ZBTB9: variants seen among roughly 807,000 people sequenced by gnomAD.
ZBTB9 encodes the protein zinc finger and BTB domain-containing protein 9.
ZBTB9 carries 17 observed loss-of-function variants against 26.3 expected under a neutral mutation model. That is an observed-to-expected ratio of 0.65 (90% confidence interval 0.44 to 0.97). The LOEUF is 0.97. ZBTB9 is among the 50% of genes least tolerant of loss of function. The pLI is 0.00. For missense variants in ZBTB9, 510 were observed against 594.2 expected (o/e 0.86, Z 1.47); for synonymous variants, 226 against 234.3 (o/e 0.96, Z 0.32).
In ZBTB9 at chr6:33,456,342, C is replaced by A. The variant is rs768107524; in HGVS notation, c.1242C>A (p.Gly414=). 1 of 1,614,106 alleles carries A rather than the reference C, an allele frequency of 6.2e-7. No homozygotes were observed. Among genetic ancestry groups the A allele is most frequent in the Non-Finnish European group, 8.5e-7 (1 of 1,180,024 alleles). The change falls in exon 2 of 2, where the codon GGC becomes GGA. Residue 414 remains glycine, a synonymous_variant. Transcript: ENST00000395064. This position sits in a 1 kb window ranked among gnomAD's most constrained non-coding sequence, Gnocchi z 5.1. ...LTFSLRPFGC[G]ICNKRFKLKH... The stretch of plus-strand genomic sequence containing the variant: ...TCAGCCTTCGGCCTTTTGGCTGTGG[C>A]ATCTGCAACAAGCGCTTCAAGCTGA...
Position 33,455,406 on chromosome 6 carries a change from C to T in ZBTB9, c.306C>T (p.Leu102=). ...EADAFEGLLQ[L]IYSGRLRLPL... is the part of the protein sequence containing the mutation. Reference sequence around the variant, plus strand: ...ATGCCTTCGAGGGGCTGCTCCAGCTCATTTATTCAGGGCGTCTCCGCCTGC... The same window carrying T: ...ATGCCTTCGAGGGGCTGCTCCAGCTTATTTATTCAGGGCGTCTCCGCCTGC... The change falls in exon 2 of 2, where the codon CTC becomes CTT. Residue 102 remains leucine, a synonymous_variant. Coordinates refer to ENST00000395064, the MANE Select transcript of ZBTB9 (RefSeq NM_152735.4). The T allele has an allele frequency of 1.2e-6, 2 of 1,613,808 alleles. No homozygotes were observed. The highest frequency in any genetic ancestry group is 1.1e-5 in the South Asian group (1 of 91,060).
At position 33,456,678 on chromosome 6, in the gene ZBTB9, A is replaced by C. The variant is rs1761492795; in HGVS notation, c.*156A>C. On this transcript the variant is annotated 3_prime_UTR_variant, in exon 2 of 2. Coordinates refer to ENST00000395064, the MANE Select transcript of ZBTB9 (RefSeq NM_152735.4). The surrounding 1 kb of genome is among the most constrained non-coding windows in gnomAD (Gnocchi z 5.1). ...TCTTGTTCTTAGATATGGGCCTCTC[A>C]GCCTGGCAGATGTGGAAACTCAAAT... 6 of 1,317,918 alleles carry C rather than the reference A, an allele frequency of 4.6e-6. No individual in the cohort carries two copies. The highest frequency in any genetic ancestry group is 6.0e-6 in the Non-Finnish European group (6 of 1,000,890). The allele number at this position is 1,317,918 out of a possible 1,614,324, so 81.6% of individuals were successfully genotyped here.
In ZBTB9 at chr6:33,456,552, C is replaced by T. The variant is rs759357892; in HGVS notation, c.*30C>T. 5 of 1,555,178 alleles carry T rather than the reference C, an allele frequency of 3.2e-6. No individual in the cohort carries two copies. The highest frequency in any genetic ancestry group is 4.3e-6 in the Non-Finnish European group (5 of 1,152,596). On this transcript the variant is annotated 3_prime_UTR_variant, in exon 2 of 2. Transcript: ENST00000395064. This position sits in a 1 kb window ranked among gnomAD's most constrained non-coding sequence, Gnocchi z 5.1. Reference sequence around the variant, plus strand: ...TGAGGCTATACACTAGCTTCTAGAACAAGATAACCACTGCTGCTGATGGAT... The same window carrying T: ...TGAGGCTATACACTAGCTTCTAGAATAAGATAACCACTGCTGCTGATGGAT...
chr6:33,454,925 C>T (rs1162730888), intron 1 of ZBTB9, 105 bp from the exon 2 acceptor site: 7 of 1,019,438 alleles, frequency 6.9e-6, no homozygotes, highest in Non-Finnish European at 9.6e-6. Context: ...GAAACCGCCA[C>T]TGACTTAAAA....
rs1233656867 is a variant in ZBTB9, at chr6:33,455,866, A to G, written c.766A>G (p.Thr256Ala). The G allele has an allele frequency of 6.2e-7, 1 of 1,613,298 alleles. No individual in the cohort carries two copies. Among genetic ancestry groups the G allele is most frequent in the Non-Finnish European group, 8.5e-7 (1 of 1,179,656 alleles). ...RPHGPHPLPM[T>A]ATPRKLPEGE... Reference sequence around the variant, plus strand: ...TCATGGACCCCACCCACTGCCCATGACTGCTACTCCCCGAAAGCTTCCAGA... The same window carrying G: ...TCATGGACCCCACCCACTGCCCATGGCTGCTACTCCCCGAAAGCTTCCAGA... Residue 256 changes from threonine (T) to alanine (A), a missense_variant, in exon 2 of 2, where the codon ACT becomes GCT. Physicochemically the swap from Thr to Ala is moderately conservative, Grantham distance 58. This residue lies in a region of ZBTB9 where 439 missense variants were observed against 460.4 expected (regional missense o/e 0.95). Transcript: ENST00000395064.
In ZBTB9 at chr6:33,456,159, C is replaced by T. The variant is rs768284311; in HGVS notation, c.1059C>T (p.Ile353=). 4 of 1,609,188 alleles carry T rather than the reference C, an allele frequency of 2.5e-6. No individual in the cohort carries two copies. In the South Asian group the frequency reaches 4.4e-5, roughly 18 times the overall value. The change falls in exon 2 of 2, where the codon ATC becomes ATT. Residue 353 remains isoleucine (I), a synonymous_variant. Transcript: ENST00000395064. The surrounding 1 kb of genome is among the most constrained non-coding windows in gnomAD (Gnocchi z 5.1). ...WKPVDLHGNE[I]LSGGGGPGGA... ...CAGTGGATCTTCATGGGAATGAAAT[C>T]CTGTCAGGGGGTGGAGGACCTGGGG...
upstream of ZBTB9, chr6:33,453,930 G>A (rs997698771): frequency 6.6e-6 from 1 of 152,110 alleles, no homozygotes; most frequent in East Asian, 1.9e-4. Context: ...CTTAGTCCGA[G>A]GCCAGGAACA....
Position 33,455,356 on chromosome 6 carries a change from A to T in ZBTB9, c.256A>T (p.Thr86Ser). 1 of 1,613,582 alleles carries T rather than the reference A, an allele frequency of 6.2e-7. No homozygotes were observed. Among genetic ancestry groups the T allele is most frequent in the Middle Eastern group, 1.7e-4 (1 of 6,058 alleles). Residue 86 changes from threonine (T) to serine (S), a missense_variant, in exon 2 of 2, where the codon ACT becomes TCT. This residue lies in a region of ZBTB9 where 439 missense variants were observed against 460.4 expected (regional missense o/e 0.95). Transcript: ENST00000395064. Reference protein sequence around the residue: ...KLLLGDAPRLTLPSVIEADAF... With the variant: ...KLLLGDAPRLSLPSVIEADAF... Reference sequence around the variant, plus strand: ...GCTTCTGGGGGATGCGCCTCGTCTCACTCTACCGAGTGTCATTGAAGCCGA... The same window carrying T: ...GCTTCTGGGGGATGCGCCTCGTCTCTCTCTACCGAGTGTCATTGAAGCCGA...
chr6:33,455,148 C>G lies in ZBTB9; in HGVS notation c.48C>G (p.Cys16Trp), dbSNP rs1263981403. 1.2e-6 allele frequency: 2 copies of G among 1,613,172 alleles called. No individual in the cohort carries two copies. The highest frequency in any genetic ancestry group is 1.7e-6 in the Non-Finnish European group (2 of 1,179,468). ...CGCCTGTACCCGCCTCCCCGACCTG[C>G]AACCCAGCCCCACGGACAATCCAGA... ...PLPPVPASPT[C>W]NPAPRTIQIE... Residue 16 changes from cysteine to tryptophan, a missense_variant, in exon 2 of 2, where the codon TGC becomes TGG. Physicochemically the swap from Cys to Trp is radical, Grantham distance 215. Coordinates refer to ENST00000395064, the MANE Select transcript of ZBTB9 (RefSeq NM_152735.4).
Position 33,456,333 on chromosome 6 carries a change from T to C in ZBTB9, c.1233T>C (p.Phe411=). 6.2e-7 allele frequency: 1 copy of C among 1,614,096 alleles called. No homozygotes were observed. Among genetic ancestry groups the C allele is most frequent in the Non-Finnish European group, 8.5e-7 (1 of 1,180,034 alleles). ...HIMLTFSLRP[F]GCGICNKRFK... ...TGCTGACCTTCAGCCTTCGGCCTTT[T>C]GGCTGTGGCATCTGCAACAAGCGCT... The change falls in exon 2 of 2, where the codon TTT becomes TTC. Residue 411 remains phenylalanine (F), a synonymous_variant. Coordinates refer to ENST00000395064, the MANE Select transcript of ZBTB9 (RefSeq NM_152735.4). This position sits in a 1 kb window ranked among gnomAD's most constrained non-coding sequence, Gnocchi z 5.1.
Position 33,456,227 on chromosome 6 carries a change from CA to C in ZBTB9, c.1128del (p.Pro378LeufsTer17). ...CATGGGCCTGTGAAGCTAGGGGGGACACCCCCTGCAGATGGAAAACGCTTTG... is the reference window on the plus strand; with the variant it reads ...CATGGGCCTGTGAAGCTAGGGGGGACCCCCCTGCAGATGGAAAACGCTTTG... ...AVHGPVKLGG[T>X]PPADGKRFGC... On this transcript the variant is annotated frameshift_variant, in exon 2 of 2. Coordinates refer to ENST00000395064, the MANE Select transcript of ZBTB9 (RefSeq NM_152735.4). LOFTEE classifies it high-confidence loss of function. This position sits in a 1 kb window ranked among gnomAD's most constrained non-coding sequence, Gnocchi z 5.1. 1 of 1,612,544 alleles carries C rather than the reference CA, an allele frequency of 6.2e-7. No individual in the cohort carries two copies. The highest frequency in any genetic ancestry group is 8.5e-7 in the Non-Finnish European group (1 of 1,179,484).
Position 33,456,701 on chromosome 6 carries a change from A to G in ZBTB9, c.*179A>G. 2 of 1,203,450 alleles carry G rather than the reference A, an allele frequency of 1.7e-6. No individual in the cohort carries two copies. The highest frequency in any genetic ancestry group is 2.8e-5 in the East Asian group (1 of 36,160). 74.5% of individuals were successfully genotyped at this position (1,203,450 alleles called of 1,614,324 possible). A position where few individuals can be genotyped will look rare whatever the true frequency, so the allele number is the denominator to read the frequency against. On this transcript the variant is annotated 3_prime_UTR_variant, in exon 2 of 2. Coordinates refer to ENST00000395064, the MANE Select transcript of ZBTB9 (RefSeq NM_152735.4). The surrounding 1 kb of genome is among the most constrained non-coding windows in gnomAD (Gnocchi z 5.1). Reference sequence around the variant, plus strand: ...TCAGCCTGGCAGATGTGGAAACTCAAATTTCTCGTCCCACTCCAGGTTTTG... The same window carrying G: ...TCAGCCTGGCAGATGTGGAAACTCAGATTTCTCGTCCCACTCCAGGTTTTG...
In ZBTB9 at chr6:33,455,654, C is replaced by T. The variant is rs777018026; in HGVS notation, c.554C>T (p.Ser185Phe). 2.5e-6 allele frequency: 4 copies of T among 1,614,218 alleles called. No individual in the cohort carries two copies. In the South Asian group the frequency reaches 4.4e-5, roughly 18 times the overall value. ...CAGACCCCAGTACAGTCCTCTGCTTCTACTGAAAGCCCTGCTTCCACTGAG... is the reference window on the plus strand; with the variant it reads ...CAGACCCCAGTACAGTCCTCTGCTTTTACTGAAAGCCCTGCTTCCACTGAG... ...PFQTPVQSSA[S>F]TESPASTESP... The change falls in exon 2 of 2, where the codon TCT becomes TTT. Residue 185 changes from serine (S) to phenylalanine (F), a missense_variant. Physicochemically the swap from Ser to Phe is radical, Grantham distance 155. Coordinates refer to ENST00000395064, the MANE Select transcript of ZBTB9 (RefSeq NM_152735.4).
In ZBTB9 at chr6:33,454,724, G is replaced by C. The variant is rs995986984; in HGVS notation, c.-123G>C. On this transcript the variant is annotated 5_prime_UTR_variant, in exon 1 of 2. Transcript: ENST00000395064. ...CGCGGCTTCCCGGGAGCAGACCTCT[G>C]TGGGCACTGTGAGGCGGAACGGAGC... The C allele has an allele frequency of 1.7e-5, 5 of 294,806 alleles. No homozygotes were observed. Among genetic ancestry groups the C allele is most frequent in the Middle Eastern group, 9.9e-4 (1 of 1,014 alleles). 18.3% of individuals were successfully genotyped at this position (294,806 alleles called of 1,614,324 possible).
chr6:33,456,533 T>A lies in ZBTB9; in HGVS notation c.*11T>A. 1 of 1,584,232 alleles carries A rather than the reference T, an allele frequency of 6.3e-7. No homozygotes were observed. The highest frequency in any genetic ancestry group is 8.6e-7 in the Non-Finnish European group (1 of 1,166,360). ...TGGACTTACAAGTGACTGCTGAGGC[T>A]ATACACTAGCTTCTAGAACAAGATA... On this transcript the variant is annotated 3_prime_UTR_variant, in exon 2 of 2. Transcript: ENST00000395064. This position sits in a 1 kb window ranked among gnomAD's most constrained non-coding sequence, Gnocchi z 5.1.
Position 33,455,829 on chromosome 6 carries a change from T to G in ZBTB9, c.729T>G (p.Val243=). 6.2e-7 allele frequency: 1 copy of G among 1,610,922 alleles called. No individual in the cohort carries two copies. Among genetic ancestry groups the G allele is most frequent in the South Asian group, 1.1e-5 (1 of 90,554 alleles). The stretch of plus-strand genomic sequence containing the variant: ...CTCAGCCCCAGAGAGTATCAGGGGT[T>G]TTTCCCCGTCCTCATGGACCCCACC... The part of the protein sequence containing the change: ...QTPQPQRVSG[V]FPRPHGPHPL... The change falls in exon 2 of 2, where the codon GTT becomes GTG. Residue 243 remains valine (V), a synonymous_variant. Coordinates refer to ENST00000395064, the MANE Select transcript of ZBTB9 (RefSeq NM_152735.4).
rs1761467810 is a variant in ZBTB9, at chr6:33,455,571, T to C, written c.471T>C (p.His157=). ...GISARGGNSY[H]ALLSTTSSTG... ...CAGCCCGTGGAGGAAACTCCTACCA[T>C]GCCCTTCTTTCCACTACATCCTCTA... The change falls in exon 2 of 2, where the codon CAT becomes CAC. Residue 157 remains histidine, a synonymous_variant. Transcript: ENST00000395064. 1 of 1,613,988 alleles carries C rather than the reference T, an allele frequency of 6.2e-7. No individual in the cohort carries two copies. Among genetic ancestry groups the C allele is most frequent in the Non-Finnish European group, 8.5e-7 (1 of 1,179,978 alleles).
At chr6:33,453,905 C>T (rs939466124), upstream of ZBTB9, 1 of 152,222 alleles carries the variant, frequency 6.6e-6, no homozygotes, top group African/African-American at 2.4e-5. Flanking sequence ...TAACTCTCCC[C>T]TCACCACTGT....
chr6:33,456,602 A>G lies in ZBTB9; in HGVS notation c.*80A>G. 2 of 1,520,326 alleles carry G rather than the reference A, an allele frequency of 1.3e-6. No homozygotes were observed. The highest frequency in any genetic ancestry group is 1.8e-6 in the Non-Finnish European group (2 of 1,134,530). 94.2% of individuals were successfully genotyped at this position (1,520,326 alleles called of 1,614,324 possible). A position where few individuals can be genotyped will look rare whatever the true frequency, so the allele number is the denominator to read the frequency against. ...TACTTTTCCCTCACTGCCATGGCAC[A>G]CCAGTCATGGATCTTGTAATCATGC... On this transcript the variant is annotated 3_prime_UTR_variant, in exon 2 of 2. Coordinates refer to ENST00000395064, the MANE Select transcript of ZBTB9 (RefSeq NM_152735.4). This position sits in a 1 kb window ranked among gnomAD's most constrained non-coding sequence, Gnocchi z 5.1.
Sources: gnomAD v4.1 joint callset for allele counts on GRCh38, gnomAD v4.1.1 for gene constraint, gnomAD v4.1.1 regional missense constraint, Gnocchi (gnomAD v3.1) non-coding constraint, MANE v1.5 for transcripts, NCBI Gene and HGNC (gene_info 2026-07-23, HGNC 2026-07-21) for gene names.